Variants in ARB2A observed in about 807,000 individuals in gnomAD.
ARB2A encodes the protein ARB2 cotranscriptional regulator A.
chr5:93,779,975 A>T, the ARB2A span, among the ~76,000 whole-genome samples: 1 of 152,162 alleles, frequency 6.6e-6, no homozygotes, highest in Non-Finnish European at 1.5e-5. Flanking sequence ...AACTTTTTTT[A>T]AATAAAAACA....
chr5:93,843,417 CTTTTT>C, the ARB2A span, among the ~76,000 whole-genome samples: 15 of 120,590 alleles, frequency 1.2e-4, no homozygotes, highest in African/African-American at 4.0e-4. Context: ...AACAAGGATA[CTTTTT>C]TTTTTTTTTT....
the ARB2A span, among the ~76,000 whole-genome samples, chr5:93,677,432 C>T: frequency 2.0e-5 from 3 of 152,316 alleles, no homozygotes; most frequent in Admixed American, 6.5e-5. Context: ...ATATAAAAAA[C>T]GCTGAGAAGG....
At chr5:93,759,559 G>A in the ARB2A span, among the ~76,000 whole-genome samples, 17 of 152,244 alleles carry the variant, frequency 1.1e-4, no homozygotes, top group East Asian at 2.5e-3. Context: ...TGATCACGTG[G>A]GTTTCATGCC....
At chr5:93,965,667 T>C in the ARB2A span, among the ~76,000 whole-genome samples, 1 of 152,064 alleles carries the variant, frequency 6.6e-6, no homozygotes, top group Admixed American at 6.6e-5. Flanking sequence ...CACCCCAAAA[T>C]GTCTTAAGTT....
the ARB2A span, among the ~76,000 whole-genome samples, chr5:94,105,192 G>A: frequency 6.6e-6 from 1 of 152,030 alleles, no homozygotes; most frequent in Non-Finnish European, 1.5e-5. Context: ...TTAAAAGGAA[G>A]TCATACTATC....
chr5:93,646,270 C>T, the ARB2A span, among the ~76,000 whole-genome samples: 2 of 151,758 alleles, frequency 1.3e-5, no homozygotes, highest in South Asian at 4.2e-4. Context: ...TAGCCATAGT[C>T]GCTCTTGTAT....
At chr5:93,772,151 T>C in the ARB2A span, among the ~76,000 whole-genome samples, 1 of 152,288 alleles carries the variant, frequency 6.6e-6, no homozygotes, top group East Asian at 1.9e-4. Context: ...TTCATGTCCT[T>C]TGTAGGGACA....
the ARB2A span, among the ~76,000 whole-genome samples, chr5:94,006,684 T>C: frequency 6.6e-6 from 1 of 152,208 alleles, no homozygotes; most frequent in Non-Finnish European, 1.5e-5. Context: ...TGGAAATTTC[T>C]AAGTCATGGT....
chr5:93,714,798 A>T, the ARB2A span, among the ~76,000 whole-genome samples: 1 of 152,308 alleles, frequency 6.6e-6, no homozygotes, highest in East Asian at 1.9e-4. Flanking sequence ...TTCCTATTGG[A>T]GCTTTCCCAA....
the ARB2A span, among the ~76,000 whole-genome samples, chr5:93,621,670 G>A: frequency 2.6e-5 from 4 of 152,232 alleles, no homozygotes; most frequent in African/African-American, 9.6e-5. Flanking sequence ...TGGTGTGGAG[G>A]GGAAGGGGGA....
the ARB2A span, among the ~76,000 whole-genome samples, chr5:93,774,591 T>A: frequency 2.0e-5 from 3 of 152,206 alleles, no homozygotes; most frequent in Admixed American, 6.5e-5. Context: ...TTATAGACTA[T>A]TTAGTGCCAC....
chr5:93,917,644 A>G, the ARB2A span, among the ~76,000 whole-genome samples: 4 of 152,196 alleles, frequency 2.6e-5, no homozygotes, highest in African/African-American at 7.2e-5. Context: ...TTGGAAGGCA[A>G]AGGCGGGAGG....
At chr5:93,978,500 T>C in the ARB2A span, among the ~76,000 whole-genome samples, 29 of 152,158 alleles carry the variant, frequency 1.9e-4, no homozygotes, top group African/African-American at 6.7e-4. Flanking sequence ...TTATCCTAAG[T>C]GAATTAATGC....
At chr5:94,039,528 C>T in the ARB2A span, among the ~76,000 whole-genome samples, 1 of 152,174 alleles carries the variant, frequency 6.6e-6, no homozygotes, top group Non-Finnish European at 1.5e-5. Context: ...GAATGATGTA[C>T]CCCTTGTTCA....
the ARB2A span, chr5:94,050,774 T>A: frequency 6.2e-7 from 1 of 1,613,140 alleles, no homozygotes; most frequent in Non-Finnish European, 8.5e-7. Context: ...TCTGTGTAAA[T>A]CTTCCCGGTA....
the ARB2A span, among the ~76,000 whole-genome samples, chr5:93,849,952 A>G: frequency 7.8e-4 from 119 of 152,300 alleles, no homozygotes; most frequent in African/African-American, 2.6e-3. Context: ...GATATTGTGC[A>G]AAATGCTTAG....
the ARB2A span, among the ~76,000 whole-genome samples, chr5:93,680,447 T>C: frequency 1.4e-4 from 22 of 152,096 alleles, no homozygotes; most frequent in African/African-American, 5.3e-4. Flanking sequence ...TAGAGTTATG[T>C]CTGGAATATA....
the ARB2A span, among the ~76,000 whole-genome samples, chr5:94,012,133 T>A: frequency 1.3e-5 from 2 of 152,090 alleles, no homozygotes; most frequent in Admixed American, 1.3e-4. Flanking sequence ...CCAGGCGCAG[T>A]GGCTCACGCC....
the ARB2A span, among the ~76,000 whole-genome samples, chr5:94,051,862 C>T: frequency 1.3e-5 from 2 of 152,114 alleles, no homozygotes; most frequent in Non-Finnish European, 1.5e-5. Context: ...CTCTGTCACC[C>T]AGGCTGGAGA....
Sources: gnomAD v4.1 joint callset for allele counts (sites outside exome capture counted in the v4.1 genomes callset) on GRCh38, gnomAD v4.1.1 for gene constraint, MANE v1.5 for transcripts, NCBI Gene and HGNC (gene_info 2026-07-23, HGNC 2026-07-21) for gene names.